BCAS4: variants seen among roughly 807,000 people sequenced by gnomAD.
BCAS4 encodes breast carcinoma amplified sequence 4, also known as breast carcinoma-amplified sequence 4.
Under a neutral mutation model 15.7 loss-of-function variants are expected in BCAS4, and 9 were observed. The observed-to-expected ratio is 0.57, with a 90% CI of 0.34 to 1.00. The LOEUF (loss-of-function observed/expected upper bound fraction) is 1.00. Among genes scored for constraint, BCAS4 ranks in the 50% least tolerant of loss-of-function variants. The pLI, the probability that BCAS4 is intolerant of heterozygous loss-of-function variation, is 0.02. For synonymous variants in BCAS4, 101 were observed against 99.5 expected (o/e 1.02, Z -0.09); for missense variants, 225 against 239.1 (o/e 0.94, Z 0.39).
Position 50,851,390 on chromosome 20 carries a change from C to T in BCAS4, c.399+9490C>T, listed in dbSNP as rs950281933. ...ACGGCTCCCAGGGACCTCCCGGGTT[C>T]GTTTCCTTCAAGGTCTTTGGTGGAG... On this transcript the variant is annotated intron_variant, in intron 4 of 4. Transcript: ENST00000371608. The surrounding 1 kb of genome is among the most constrained non-coding windows in gnomAD (Gnocchi z 4.3). Among the ~76,000 whole-genome samples the T allele has an allele frequency of 3.3e-5, 5 of 152,120 alleles. No individual in the cohort carries two copies. The highest frequency in any genetic ancestry group is 2.0e-4 in the Admixed American group (3 of 15,274).
Position 50,834,575 on chromosome 20 carries a change from A to G in BCAS4, c.264+4195A>G, listed in dbSNP as rs576806314. ...CTCCCAAAGTGCTGGGATTACAGGCATGAGCCACCACGTCCAGCAGATTAT... is the reference window on the plus strand; with the variant it reads ...CTCCCAAAGTGCTGGGATTACAGGCGTGAGCCACCACGTCCAGCAGATTAT... On this transcript the variant is annotated intron_variant, in intron 3 of 4. Coordinates refer to ENST00000371608, the MANE Select transcript of BCAS4 (RefSeq NM_198799.4). Among the ~76,000 whole-genome samples, 3 of 152,290 alleles carry G rather than the reference A, an allele frequency of 2.0e-5. No homozygotes were observed. The East Asian group carries it at 5.8e-4, about 29-fold the overall frequency.
chr20:50,800,685 C>T (rs1408465889), intron 1 of BCAS4, among the ~76,000 whole-genome samples: 3 of 151,658 alleles, frequency 2.0e-5, no homozygotes, highest in Non-Finnish European at 2.9e-5. Flanking sequence ...CCTCAGCCTC[C>T]CAAGTAGCTA....
At chr20:50,841,675 G>C in intron 3 of BCAS4, 91 bp from the exon 4 acceptor site, 1 of 1,570,386 alleles carries the variant, frequency 6.4e-7, no homozygotes, top group South Asian at 1.1e-5. Flanking sequence ...AGTGATGAAA[G>C]GCCTGGAGTC....
At chr20:50,832,101 C>T (rs1182507279) in intron 3 of BCAS4, among the ~76,000 whole-genome samples, 2 of 152,088 alleles carry the variant, frequency 1.3e-5, no homozygotes, top group Admixed American at 1.3e-4. Flanking sequence ...GACTGAGGGC[C>T]AGGAGAGACC....
intron 4 of BCAS4, among the ~76,000 whole-genome samples, chr20:50,873,324 G>A (rs1455685337): frequency 6.6e-6 from 1 of 152,192 alleles, no homozygotes; most frequent in Non-Finnish European, 1.5e-5. Flanking sequence ...AGCTGGCCTA[G>A]GAGAGGCCGC....
At chr20:50,816,331 G>A (rs1468650821) in intron 1 of BCAS4, among the ~76,000 whole-genome samples, 9 of 152,300 alleles carry the variant, frequency 5.9e-5, no homozygotes, top group Admixed American at 2.0e-4. Flanking sequence ...TGGCCAAACC[G>A]CTAATTATTT....
intron 1 of BCAS4, among the ~76,000 whole-genome samples, chr20:50,801,332 A>G (rs1002313955): frequency 5.3e-5 from 8 of 152,168 alleles, no homozygotes; most frequent in Admixed American, 3.9e-4. Context: ...TGGCTGAGGC[A>G]GGAGAATTGC....
At chr20:50,836,490 C>T (rs562615879) in intron 3 of BCAS4, among the ~76,000 whole-genome samples, 27 of 152,300 alleles carry the variant, frequency 1.8e-4, no homozygotes, top group African/African-American at 6.3e-4. Context: ...CAAGGACAAA[C>T]TATTATGGTG....
At chr20:50,842,383 C>G (rs2088495489) in intron 4 of BCAS4, among the ~76,000 whole-genome samples, 1 of 152,216 alleles carries the variant, frequency 6.6e-6, no homozygotes, top group South Asian at 2.1e-4. Flanking sequence ...CTGGGATCCT[C>G]TCCGTGGCCC....
intron 4 of BCAS4, among the ~76,000 whole-genome samples, chr20:50,854,242 C>T (rs1978632952): frequency 6.6e-6 from 1 of 152,100 alleles, no homozygotes; most frequent in South Asian, 2.1e-4. Flanking sequence ...TTGGGAGAGT[C>T]TCAACCTCCC....
intron 3 of BCAS4, among the ~76,000 whole-genome samples, chr20:50,831,753 T>A (rs928519954): frequency 1.1e-4 from 16 of 151,990 alleles, no homozygotes; most frequent in African/African-American, 3.9e-4. Context: ...GGACCCTGGC[T>A]CCTTGCACAG....
chr20:50,872,300 G>A (rs982909404), intron 4 of BCAS4, among the ~76,000 whole-genome samples: 1 of 145,162 alleles, frequency 6.9e-6, no homozygotes, highest in Non-Finnish European at 1.5e-5. Context: ...GCCGGGCATG[G>A]TGGCTCACGC....
intron 4 of BCAS4, among the ~76,000 whole-genome samples, chr20:50,861,697 C>G (rs75686691): frequency 0.02 from 3,063 of 152,178 alleles, 42 homozygotes; most frequent in East Asian, 0.051. Context: ...CATCTCCCCC[C>G]GCTCCAGCCC....
chr20:50,840,430 A>C, intron 3 of BCAS4: 1 of 738,464 alleles, frequency 1.4e-6, no homozygotes. Flanking sequence ...TGCCAGCCAG[A>C]TAGACAGATG....
intron 1 of BCAS4, among the ~76,000 whole-genome samples, chr20:50,810,653 C>T (rs538382454): frequency 2.7e-5 from 4 of 149,680 alleles, no homozygotes; most frequent in Non-Finnish European, 4.4e-5. Flanking sequence ...TGCAGTGGCG[C>T]GATCTCGGCT....
At position 50,849,578 on chromosome 20, in the gene BCAS4, AGTG is replaced by A. The variant is rs1264892040; in HGVS notation, c.399+7679_399+7681del. 7.2e-5 allele frequency among the ~76,000 whole-genome samples: 11 copies of A among 152,244 alleles called. No individual in the cohort carries two copies. The East Asian group carries it at 2.1e-3, about 29-fold the overall frequency. On this transcript the variant is annotated intron_variant, in intron 4 of 4. Transcript: ENST00000371608. Reference sequence around the variant, plus strand: ...GGTGATCTGGTAACAGCAATGAGTGAGTGAGTCTTCTGGGCATGAGACAGGAGG... The same window carrying A: ...GGTGATCTGGTAACAGCAATGAGTGAAGTCTTCTGGGCATGAGACAGGAGG...
At position 50,797,386 on chromosome 20, in the gene BCAS4, T is replaced by C. The variant is rs972707654; in HGVS notation, c.90+2213T>C. Among the ~76,000 whole-genome samples, 8 of 152,170 alleles carry C rather than the reference T, an allele frequency of 5.3e-5. No homozygotes were observed. The East Asian group carries it at 1.5e-3, about 29-fold the overall frequency. ...GGTGAATTTTGTGGTTTGTGAATTA[T>C]ATCTCAATTTAAAAAAATAGCATGG... On this transcript the variant is annotated intron_variant, in intron 1 of 4. Transcript: ENST00000371608.
rs138136643 is a variant in BCAS4, at chr20:50,858,883, C to T, written c.399+16983C>T. 5.5e-3 allele frequency among the ~76,000 whole-genome samples: 830 copies of T among 151,512 alleles called. 10 individuals are homozygous for T. The highest frequency in any genetic ancestry group is 0.02 in the African/African-American group (812 of 41,206). On this transcript the variant is annotated intron_variant, in intron 4 of 4. Coordinates refer to ENST00000371608, the MANE Select transcript of BCAS4 (RefSeq NM_198799.4). ...CTGGGACTACAGGGATGTGCCACCA[C>T]GCCTGGCTAACTTTTGTATTTTTTG...
intron 1 of BCAS4, among the ~76,000 whole-genome samples, chr20:50,814,233 G>T (rs1248223139): frequency 2.6e-5 from 4 of 152,148 alleles, no homozygotes; most frequent in Non-Finnish European, 5.9e-5. Flanking sequence ...GGTGAGGTGG[G>T]GGACTGACCA....
Sources: gnomAD v4.1 joint callset for allele counts (sites outside exome capture counted in the v4.1 genomes callset) on GRCh38, gnomAD v4.1.1 for gene constraint, Gnocchi (gnomAD v3.1) non-coding constraint, MANE v1.5 for transcripts, NCBI Gene and HGNC (gene_info 2026-07-23, HGNC 2026-07-21) for gene names.